STK3: variants seen among roughly 807,000 people sequenced by gnomAD.
STK3 encodes the protein serine/threonine kinase 3, also known as serine/threonine-protein kinase 3.
Under a neutral mutation model 58.0 loss-of-function variants are expected in STK3, and 41 were observed. The ratio of observed to expected loss-of-function variants is 0.71; its 90% confidence interval spans 0.55 to 0.92. The LOEUF (loss-of-function observed/expected upper bound fraction) is 0.92, where lower values mean the gene tolerates loss of function less well. Ranked by LOEUF, STK3 falls within the 40% of genes least tolerant of loss-of-function variation. The pLI, the probability that STK3 is intolerant of heterozygous loss-of-function variation, is 0.00. For synonymous variants in STK3, 170 were observed against 191.0 expected, an observed-to-expected ratio of 0.89 and a Z score of 0.91; for missense variants, 479 against 602.7, an observed-to-expected ratio of 0.79 and a Z score of 2.15.
Position 98,749,285 on chromosome 8 carries a change from T to G in STK3, c.342A>C (p.Arg114=). The change falls in exon 4 of 11, where the codon CGA becomes CGC. Residue 114 remains arginine (R), a synonymous_variant. Coordinates refer to ENST00000419617, the MANE Select transcript of STK3 (RefSeq NM_006281.4). ...AGSVSDIIRL[R]NKTLIEDEIA... is the part of the protein sequence containing the mutation. ...ATTTTAAAATACTTACTGTCTTGTT[T>G]CGTAATCTAATTATGTCTGAGACAG... 1 of 1,601,984 alleles carries G rather than the reference T, an allele frequency of 6.2e-7. No homozygotes were observed. Among genetic ancestry groups the G allele is most frequent in the African/African-American group, 1.3e-5 (1 of 74,512 alleles).
At chr8:98,355,805 T>C in the STK3 span, among the ~76,000 whole-genome samples, 15 of 152,324 alleles carry the variant, frequency 9.8e-5, no homozygotes, top group South Asian at 2.9e-3. Context: ...TTTCCAGCTC[T>C]CTGCTTTCTG....
chr8:98,544,192 G>A (rs772786481), intron 9 of STK3, among the ~76,000 whole-genome samples: 1 of 152,126 alleles, frequency 6.6e-6, no homozygotes, highest in Non-Finnish European at 1.5e-5. Flanking sequence ...TAGGAACTAG[G>A]GTCAGGGAAC....
intron 4 of STK3, among the ~76,000 whole-genome samples, chr8:98,735,652 C>G (rs904615074): frequency 1.3e-5 from 2 of 152,054 alleles, no homozygotes; most frequent in African/African-American, 4.8e-5. Flanking sequence ...GGAGTTTTAC[C>G]TTTTTCCTAA....
chr8:98,479,614 A>T (rs1490209932), intron 10 of STK3, among the ~76,000 whole-genome samples: 2 of 151,952 alleles, frequency 1.3e-5, no homozygotes, highest in Non-Finnish European at 2.9e-5. Context: ...ACAAAAACCA[A>T]CTACTGAAGT....
At chr8:98,567,426 G>C (rs1254244068) in intron 8 of STK3, among the ~76,000 whole-genome samples, 3 of 152,072 alleles carry the variant, frequency 2.0e-5, no homozygotes, top group African/African-American at 7.2e-5. Flanking sequence ...TTGAACTCCT[G>C]AGCTTAAGCT....
At chr8:98,655,455 C>T (rs1379304839) in intron 6 of STK3, among the ~76,000 whole-genome samples, 3 of 152,164 alleles carry the variant, frequency 2.0e-5, no homozygotes, top group Non-Finnish European at 4.4e-5. Context: ...ATGCCAAAAG[C>T]AATGGCAACG....
chr8:98,741,958 C>T (rs543616583), intron 4 of STK3, among the ~76,000 whole-genome samples: 106 of 151,586 alleles, frequency 7.0e-4, no homozygotes, highest in African/African-American at 1.8e-3. Context: ...AACACCTCTA[C>T]GCAAATAAAC....
chr8:98,640,914 AAT>A (rs1340930430), intron 6 of STK3, among the ~76,000 whole-genome samples: 28 of 151,076 alleles, frequency 1.9e-4, no homozygotes, highest in African/African-American at 6.3e-4. Flanking sequence ...TTAAGAGTAT[AAT>A]ATGTTTATAC....
chr8:98,675,453 T>C (rs1248579438), intron 6 of STK3, among the ~76,000 whole-genome samples: 1 of 152,094 alleles, frequency 6.6e-6, no homozygotes. Context: ...TGTATGTCTA[T>C]AAAAAAAATG....
intron 6 of STK3, among the ~76,000 whole-genome samples, chr8:98,672,253 T>C (rs1587247965): frequency 9.6e-6 from 1 of 104,044 alleles, no homozygotes; most frequent in Non-Finnish European, 1.9e-5. Context: ...TGGTGGGCGG[T>C]GGGTGTGGGG....
At chr8:98,687,843 C>T (rs984624205) in intron 6 of STK3, among the ~76,000 whole-genome samples, 6 of 152,084 alleles carry the variant, frequency 3.9e-5, no homozygotes, top group African/African-American at 1.2e-4. Flanking sequence ...GCACATAACC[C>T]ACAGACTCTA....
At chr8:98,743,900 C>T (rs1427200829) in intron 4 of STK3, among the ~76,000 whole-genome samples, 5 of 151,940 alleles carry the variant, frequency 3.3e-5, no homozygotes, top group African/African-American at 1.2e-4. Context: ...AAAAAAACAA[C>T]CCCATCAAAA....
chr8:98,893,476 AAGAAAGAAAGAG>A (rs1838305128), intron 1 of STK3, among the ~76,000 whole-genome samples: 1 of 69,714 alleles, frequency 1.4e-5, no homozygotes, highest in Non-Finnish European at 2.8e-5. Context: ...GAAAGAAAGA[AAGAAAGAAAGAG>A]AAAGAAAGAA....
At chr8:98,563,797 A>G (rs1812254033) in intron 8 of STK3, among the ~76,000 whole-genome samples, 1 of 152,198 alleles carries the variant, frequency 6.6e-6, no homozygotes, top group Admixed American at 6.6e-5. Context: ...AAATAAACAT[A>G]GTAGTATTGG....
At chr8:98,440,040 G>A (rs191850407) in intron 1 of STK3, among the ~76,000 whole-genome samples, 3 of 152,340 alleles carry the variant, frequency 2.0e-5, no homozygotes, top group African/African-American at 7.2e-5. Flanking sequence ...GAGGATGTGC[G>A]TACTGATTCC....
intron 1 of STK3, among the ~76,000 whole-genome samples, chr8:98,808,025 T>TC (rs1378384874): frequency 4.6e-5 from 7 of 152,040 alleles, no homozygotes; most frequent in African/African-American, 1.7e-4. Flanking sequence ...ATTACAGGAA[T>TC]AAAGTCCTAA....
chr8:98,738,180 T>A (rs915307950), intron 4 of STK3, among the ~76,000 whole-genome samples: 5 of 152,168 alleles, frequency 3.3e-5, no homozygotes, highest in Non-Finnish European at 7.3e-5. Flanking sequence ...GACAACTTAT[T>A]CTAAAACTTA....
At chr8:98,638,521 T>G (rs1819783312) in intron 6 of STK3, 1 of 152,202 alleles carries the variant, frequency 6.6e-6, no homozygotes, top group Non-Finnish European at 1.5e-5. Flanking sequence ...CATATCCATT[T>G]TCAACTACTG....
intron 1 of STK3, among the ~76,000 whole-genome samples, chr8:98,793,725 T>C (rs553848550): frequency 1.3e-5 from 2 of 152,104 alleles, no homozygotes; most frequent in Admixed American, 6.5e-5. Flanking sequence ...ACTTCATCCA[T>C]CAACCACTGA....
Sources: gnomAD v4.1 joint callset for allele counts (sites outside exome capture counted in the v4.1 genomes callset) on GRCh38, gnomAD v4.1.1 for gene constraint, MANE v1.5 for transcripts, NCBI Gene and HGNC (gene_info 2026-07-23, HGNC 2026-07-21) for gene names.